The following GLI3 variants were observed in gnomAD, a reference collection of about 807,000 sequenced individuals.
The protein encoded by GLI3 is transcription activator GLI3.
Under a neutral mutation model 100.8 loss-of-function variants are expected in GLI3, and 20 were observed. That is an observed-to-expected ratio of 0.20 (90% CI 0.14 to 0.29). The LOEUF (loss-of-function observed/expected upper bound fraction) is 0.29. Ranked by LOEUF, GLI3 falls within the 10% of genes least tolerant of loss-of-function variation. GLI3 has a pLI of 1.00. For missense variants in GLI3, 2,040 were observed against 2,128.5 expected (o/e 0.96, Z 0.82); for synonymous variants, 938 against 860.5 (o/e 1.09, Z -1.58).
In GLI3 at chr7:42,148,367, A is replaced by T; in HGVS notation, c.226T>A (p.Ser76Thr). The change falls in exon 3 of 15, where the codon TCA (serine) becomes ACA (threonine). Residue 76 changes from serine to threonine, a missense_variant. Physicochemically the swap from Ser to Thr is moderately conservative, Grantham distance 58. Coordinates refer to ENST00000395925, the MANE Select transcript of GLI3 (RefSeq NM_000168.6). ...QGLSKVSEEP[S>T]TSSDERASLI... ...GAGGCCCTCTCGTCACTCGATGTTG[A>T]AGGTTCCTCACTGACTTTGCTGAGC... is the stretch of plus-strand genomic sequence containing the variant. The T allele has an allele frequency of 1.2e-6, 2 of 1,614,098 alleles. No individual in the cohort carries two copies. Among genetic ancestry groups the T allele is most frequent in the Non-Finnish European group, 1.7e-6 (2 of 1,180,004 alleles).
intron 1 of GLI3, among the ~76,000 whole-genome samples, chr7:42,229,364 G>T (rs1183799208): frequency 6.6e-6 from 1 of 152,202 alleles, no homozygotes; most frequent in Non-Finnish European, 1.5e-5. Flanking sequence ...ATCAGAAACA[G>T]AAGACATTCC....
intron 2 of GLI3, among the ~76,000 whole-genome samples, chr7:42,182,411 GACCCTGCTT>G: frequency 6.6e-6 from 1 of 151,122 alleles, no homozygotes; most frequent in Non-Finnish European, 1.5e-5. Flanking sequence ...TAGTACCAAA[GACCCTGCTT>G]TATATCCTTG....
chr7:41,999,138 A>C (rs1309373494), intron 10 of GLI3, among the ~76,000 whole-genome samples: 1 of 152,206 alleles, frequency 6.6e-6, no homozygotes, highest in African/African-American at 2.4e-5. Context: ...CATGATAGGA[A>C]GTTATCATCA....
At chr7:42,137,419 G>C (rs1425651085) in intron 3 of GLI3, among the ~76,000 whole-genome samples, 1 of 152,014 alleles carries the variant, frequency 6.6e-6, no homozygotes, top group Non-Finnish European at 1.5e-5. Context: ...CCAACCCCTG[G>C]CCAATGACCA....
intron 2 of GLI3, among the ~76,000 whole-genome samples, chr7:42,205,681 G>T (rs546708123): frequency 3.9e-4 from 60 of 152,290 alleles, no homozygotes; most frequent in African/African-American, 1.4e-3. Context: ...AAACTAAATT[G>T]CTTCCAGAAC....
At chr7:42,161,560 A>C (rs1240125550) in intron 2 of GLI3, among the ~76,000 whole-genome samples, 1 of 152,220 alleles carries the variant, frequency 6.6e-6, no homozygotes, top group Non-Finnish European at 1.5e-5. Flanking sequence ...ACAGTATTTA[A>C]TATGAATGCT....
At chr7:42,076,621 T>A in intron 4 of GLI3, 131 bp downstream of exon 4, 1 of 711,368 alleles carries the variant, frequency 1.4e-6, no homozygotes, top group Non-Finnish European at 2.6e-6. Flanking sequence ...GCTTGCTATA[T>A]TTCAAAAGTA....
chr7:42,239,335 T>C (rs1788899547), upstream of GLI3, among the ~76,000 whole-genome samples: 1 of 152,180 alleles, frequency 6.6e-6, no homozygotes, highest in South Asian at 2.1e-4. Flanking sequence ...CCAGGTCGCG[T>C]ACCTCCCAGG....
intron 3 of GLI3, among the ~76,000 whole-genome samples, chr7:42,142,739 G>C (rs893528471): frequency 6.6e-6 from 1 of 151,040 alleles, no homozygotes; most frequent in African/African-American, 2.4e-5. Context: ...ATGGATCCTG[G>C]CTAACATGGT....
intron 3 of GLI3, among the ~76,000 whole-genome samples, chr7:42,077,174 T>C (rs1784897357): frequency 6.6e-6 from 1 of 152,092 alleles, no homozygotes; most frequent in Admixed American, 6.6e-5. Flanking sequence ...GGAGAAGGGC[T>C]GAAGGGAGCC....
intron 10 of GLI3, among the ~76,000 whole-genome samples, chr7:42,011,421 A>G (rs1788608012): frequency 6.6e-6 from 1 of 152,250 alleles, no homozygotes; most frequent in East Asian, 1.9e-4. Context: ...GGATATACCC[A>G]AAAGAACTGA....
chr7:42,230,847 G>C (rs947623823), intron 1 of GLI3, among the ~76,000 whole-genome samples: 3 of 152,150 alleles, frequency 2.0e-5, no homozygotes, highest in African/African-American at 7.2e-5. Flanking sequence ...CTTTCTACGG[G>C]GTTAGCTGGA....
In GLI3 at chr7:42,169,894, T is replaced by G. The variant is rs145147458; in HGVS notation, c.125-21426A>C. On this transcript the variant is annotated intron_variant, in intron 2 of 14. Coordinates refer to ENST00000395925, the MANE Select transcript of GLI3 (RefSeq NM_000168.6). ...TTCTTATATTTCAATTACAATCAAT[T>G]GAAATATAAGAAGTAATATTCAATT... is the stretch of plus-strand genomic sequence containing the variant. Among the ~76,000 whole-genome samples, 355 of 152,078 alleles carry G rather than the reference T, an allele frequency of 2.3e-3. 4 individuals carry two copies. Among genetic ancestry groups the G allele is most frequent in the East Asian group, 5.4e-3 (28 of 5,172 alleles).
intron 7 of GLI3, among the ~76,000 whole-genome samples, chr7:42,031,846 G>A (rs980054803): frequency 6.6e-6 from 1 of 152,230 alleles, no homozygotes; most frequent in South Asian, 2.1e-4. Context: ...TTAACAAACC[G>A]TTGTCTGACT....
intron 3 of GLI3, among the ~76,000 whole-genome samples, chr7:42,091,384 T>G (rs846305): frequency 0.26 from 40,117 of 152,152 alleles, 5,684 homozygotes; most frequent in Admixed American, 0.37. Flanking sequence ...TTGGTCCCCT[T>G]GCCCCAGTCG....
chr7:42,204,083 G>C (rs1012131737), intron 2 of GLI3, among the ~76,000 whole-genome samples: 2 of 152,010 alleles, frequency 1.3e-5, no homozygotes, highest in African/African-American at 2.4e-5. Context: ...CCGAAGGGTA[G>C]TTTTTAAAGC....
At chr7:42,083,699 G>A (rs1247701326) in intron 3 of GLI3, among the ~76,000 whole-genome samples, 1 of 151,992 alleles carries the variant, frequency 6.6e-6, no homozygotes, top group Non-Finnish European at 1.5e-5. Flanking sequence ...TTTATTTATT[G>A]TGTTGTCTAA....
chr7:42,022,777 G>T (rs933575328), intron 10 of GLI3, among the ~76,000 whole-genome samples: 1 of 152,178 alleles, frequency 6.6e-6, no homozygotes, highest in African/African-American at 2.4e-5. Context: ...GCATGGGGTG[G>T]GGAGAAGGCT....
intron 3 of GLI3, among the ~76,000 whole-genome samples, chr7:42,135,677 C>T (rs1786410689): frequency 1.3e-5 from 2 of 152,158 alleles, no homozygotes; most frequent in Non-Finnish European, 2.9e-5. Context: ...CTGTCTTTAG[C>T]CTGCACGGGC....
Sources: gnomAD v4.1 joint callset for allele counts (sites outside exome capture counted in the v4.1 genomes callset) on GRCh38, gnomAD v4.1.1 for gene constraint, MANE v1.5 for transcripts, NCBI Gene and HGNC (gene_info 2026-07-23, HGNC 2026-07-21) for gene names.